The following ZFAT variants were observed in gnomAD, a reference collection of about 807,000 sequenced individuals.
The protein encoded by ZFAT is zinc finger protein ZFAT.
A neutral mutation model predicts 117.7 loss-of-function variants in ZFAT; 64 were observed. The observed-to-expected ratio is 0.54, with a 90% CI of 0.44 to 0.67. The LOEUF is 0.67. Among genes scored for constraint, ZFAT ranks in the 30% least tolerant of loss-of-function variants. The probability of loss-of-function intolerance (pLI) is 0.00; values close to 1 mark genes in which losing one functional copy is unlikely to be tolerated. For synonymous variants in ZFAT, 679 were observed against 615.0 expected (o/e 1.10, Z -1.54); for missense variants, 1,433 against 1,584.5 (o/e 0.90, Z 1.62).
chr8:134,593,391 C>A (rs1446402056), intron 7 of ZFAT, among the ~76,000 whole-genome samples: 1 of 152,112 alleles, frequency 6.6e-6, no homozygotes, highest in Non-Finnish European at 1.5e-5. Context: ...TCATTTACTT[C>A]TTTTTCAAAA....
At chr8:134,633,608 C>T (rs1162407650) in intron 3 of ZFAT, among the ~76,000 whole-genome samples, 2 of 152,222 alleles carry the variant, frequency 1.3e-5, no homozygotes, top group African/African-American at 4.8e-5. Context: ...TAAGGACACA[C>T]AGCAAAGCAG....
At chr8:134,567,450 ACCATCCATCCATCCATCCAT>A (rs35445440) in intron 10 of ZFAT, among the ~76,000 whole-genome samples, 1 of 145,534 alleles carries the variant, frequency 6.9e-6, no homozygotes, top group Non-Finnish European at 1.5e-5. Context: ...AACCCTACCA[ACCATCCATCCATCCATCCAT>A]CCATCCATCC....
intron 1 of ZFAT, among the ~76,000 whole-genome samples, chr8:134,712,339 A>G (rs1398577059): frequency 6.6e-6 from 1 of 152,110 alleles, no homozygotes; most frequent in Non-Finnish European, 1.5e-5. Context: ...CAGGTGAAGG[A>G]CCCCAAGCTC....
chr8:134,757,000 C>T, the ZFAT span, among the ~76,000 whole-genome samples: 1 of 145,878 alleles, frequency 6.9e-6, no homozygotes, highest in African/African-American at 2.5e-5. Context: ...CCCATTCCCA[C>T]CTTCTTTCCT....
At chr8:134,645,302 A>G (rs907885398) in intron 2 of ZFAT, among the ~76,000 whole-genome samples, 5 of 152,244 alleles carry the variant, frequency 3.3e-5, no homozygotes, top group Non-Finnish European at 5.9e-5. Flanking sequence ...AATGAAAATC[A>G]TTAGAGAGAA....
intron 10 of ZFAT, among the ~76,000 whole-genome samples, chr8:134,580,415 C>G (rs1421288087): frequency 6.6e-6 from 1 of 152,206 alleles, no homozygotes; most frequent in East Asian, 1.9e-4. Context: ...ATCAAGACAA[C>G]CAAGGCACCT....
At chr8:134,741,754 A>G in the ZFAT span, among the ~76,000 whole-genome samples, 1 of 152,140 alleles carries the variant, frequency 6.6e-6, no homozygotes, top group Non-Finnish European at 1.5e-5. Flanking sequence ...TGACACCCAA[A>G]AAGGAACACA....
At chr8:134,690,271 C>T (rs1284057552) in intron 1 of ZFAT, among the ~76,000 whole-genome samples, 2 of 152,170 alleles carry the variant, frequency 1.3e-5, no homozygotes, top group East Asian at 3.8e-4. Flanking sequence ...TTAGGAAAAT[C>T]GAGACAAAGA....
upstream of ZFAT, among the ~76,000 whole-genome samples, chr8:134,713,803 C>T (rs761726638): frequency 3.3e-5 from 5 of 152,110 alleles, no homozygotes; most frequent in Non-Finnish European, 5.9e-5. Context: ...CCTCACCCCC[C>T]GAAACCCATC....
At chr8:134,497,026 T>G (rs112582967) in intron 15 of ZFAT, among the ~76,000 whole-genome samples, 102 of 152,312 alleles carry the variant, frequency 6.7e-4, no homozygotes, top group African/African-American at 2.4e-3. Context: ...AGTGTTTGCT[T>G]TTATGCAGAG....
chr8:134,649,627 T>C (rs929151996), intron 2 of ZFAT, among the ~76,000 whole-genome samples: 1 of 152,152 alleles, frequency 6.6e-6, no homozygotes, highest in Non-Finnish European at 1.5e-5. Context: ...AAGAATAGAA[T>C]ACTTAGGAAT....
intron 10 of ZFAT, among the ~76,000 whole-genome samples, chr8:134,583,433 A>G (rs993050765): frequency 6.6e-6 from 1 of 152,220 alleles, no homozygotes; most frequent in African/African-American, 2.4e-5. Flanking sequence ...GGATGATAAG[A>G]GACTCACTTG....
intron 1 of ZFAT, among the ~76,000 whole-genome samples, chr8:134,706,020 G>C (rs1834142712): frequency 6.6e-6 from 1 of 152,172 alleles, no homozygotes. Flanking sequence ...CCAAATGCTG[G>C]TGAGGACAGA....
At chr8:134,762,778 A>G in the ZFAT span, among the ~76,000 whole-genome samples, 1 of 152,208 alleles carries the variant, frequency 6.6e-6, no homozygotes, top group African/African-American at 2.4e-5. Context: ...TTTTGAACCT[A>G]ACATGTCTAA....
chr8:134,699,862 C>A (rs890091947), intron 1 of ZFAT, among the ~76,000 whole-genome samples: 1 of 152,162 alleles, frequency 6.6e-6, no homozygotes, highest in African/African-American at 2.4e-5. Context: ...TTCATGCTGT[C>A]GGGATGGACA....
chr8:134,762,016 A>ATGTGTGTGTGTG, the ZFAT span, among the ~76,000 whole-genome samples: 2 of 98,484 alleles, frequency 2.0e-5, no homozygotes, highest in African/African-American at 9.1e-5. Context: ...GTGTGTGCAA[A>ATGTGTGTGTGTG]TGTGTGCTTT....
At chr8:134,832,023 G>A in the ZFAT span, among the ~76,000 whole-genome samples, 2 of 146,978 alleles carry the variant, frequency 1.4e-5, no homozygotes, top group Non-Finnish European at 3.0e-5. Flanking sequence ...CCGCCGGCCC[G>A]CCGCGGCCCC....
At chr8:134,821,146 A>G in the ZFAT span, among the ~76,000 whole-genome samples, 3 of 152,222 alleles carry the variant, frequency 2.0e-5, no homozygotes, top group Admixed American at 6.5e-5. Flanking sequence ...ACAAATGGTG[A>G]TATCTTCAGA....
intron 15 of ZFAT, among the ~76,000 whole-genome samples, chr8:134,482,245 G>A (rs751121202): frequency 3.3e-5 from 5 of 152,142 alleles, no homozygotes; most frequent in African/African-American, 7.2e-5. Context: ...TCATACCTCC[G>A]TCTGCAAGTG....
Sources: gnomAD v4.1 joint callset for allele counts (sites outside exome capture counted in the v4.1 genomes callset) on GRCh38, gnomAD v4.1.1 for gene constraint, MANE v1.5 for transcripts, NCBI Gene and HGNC (gene_info 2026-07-23, HGNC 2026-07-21) for gene names.